DLG2: variants seen among roughly 807,000 people sequenced by gnomAD.
The protein encoded by DLG2 is discs large MAGUK scaffold protein 2.
A neutral mutation model predicts 132.5 loss-of-function variants in DLG2; 45 were observed. That is an observed-to-expected ratio of 0.34 (90% CI 0.27 to 0.44). The LOEUF (loss-of-function observed/expected upper bound fraction) is 0.44, where lower values mean the gene tolerates loss of function less well. DLG2 is among the 20% of genes least tolerant of loss of function. The pLI is 1.00. For missense variants in DLG2, 1,045 were observed against 1,196.9 expected (o/e 0.87, Z 1.87); for synonymous variants, 424 against 419.6 (o/e 1.01, Z -0.13).
chr11:83,816,315 T>C (rs2048909815), intron 17 of DLG2, among the ~76,000 whole-genome samples: 1 of 152,218 alleles, frequency 6.6e-6, no homozygotes, highest in Non-Finnish European at 1.5e-5. Context: ...TGTTGCCATA[T>C]GTCTCCATTC....
chr11:84,843,494 A>G (rs1315109814), intron 6 of DLG2, among the ~76,000 whole-genome samples: 1 of 151,914 alleles, frequency 6.6e-6, no homozygotes, highest in Non-Finnish European at 1.5e-5. Context: ...CACCTCCATC[A>G]TCATCATCAT....
At chr11:83,887,406 T>C (rs2068244024) in intron 15 of DLG2, among the ~76,000 whole-genome samples, 1 of 151,942 alleles carries the variant, frequency 6.6e-6, no homozygotes, top group East Asian at 1.9e-4. Context: ...CAGGAAGAAG[T>C]TGAATCTCTG....
chr11:83,735,098 A>C (rs11605075), intron 18 of DLG2, among the ~76,000 whole-genome samples: 54,620 of 151,722 alleles, frequency 0.36, 11,543 homozygotes, highest in African/African-American at 0.59. Flanking sequence ...AAATATAATT[A>C]TTTTTTTAAC....
At chr11:85,267,470 A>G (rs1192990557) in intron 4 of DLG2, among the ~76,000 whole-genome samples, 6 of 152,210 alleles carry the variant, frequency 3.9e-5, no homozygotes. Context: ...TTGAGGACAG[A>G]GATCTGATCT....
chr11:85,407,134 C>T (rs995895043), intron 3 of DLG2, among the ~76,000 whole-genome samples: 1 of 151,588 alleles, frequency 6.6e-6, no homozygotes, highest in African/African-American at 2.4e-5. Flanking sequence ...AGAATGAAGT[C>T]GAAAGAGTAG....
intron 6 of DLG2, among the ~76,000 whole-genome samples, chr11:84,631,956 A>C (rs2099632905): frequency 6.6e-6 from 1 of 152,162 alleles, no homozygotes; most frequent in Non-Finnish European, 1.5e-5. Flanking sequence ...TATGAGAACT[A>C]AATAAAAGGA....
At chr11:84,673,659 T>C (rs2099708364) in intron 6 of DLG2, among the ~76,000 whole-genome samples, 1 of 150,266 alleles carries the variant, frequency 6.7e-6, no homozygotes. Flanking sequence ...TAGTGAAGAC[T>C]GTGACAAAAA....
intron 6 of DLG2, among the ~76,000 whole-genome samples, chr11:84,771,350 T>C (rs2069350764): frequency 6.6e-6 from 1 of 152,134 alleles, no homozygotes; most frequent in Non-Finnish European, 1.5e-5. Context: ...TGGTTTTGAT[T>C]TGAATTTCTG....
At chr11:85,070,836 G>T (rs1357427018) in intron 6 of DLG2, among the ~76,000 whole-genome samples, 7 of 151,774 alleles carry the variant, frequency 4.6e-5, no homozygotes, top group Admixed American at 1.3e-4. Context: ...TTCAAATTTT[G>T]CTTTGTGAAA....
chr11:84,244,628 G>A (rs933610129), intron 8 of DLG2, among the ~76,000 whole-genome samples: 2 of 152,180 alleles, frequency 1.3e-5, no homozygotes, highest in African/African-American at 4.8e-5. Flanking sequence ...CTTCATAGGA[G>A]TAGTTGAGAC....
chr11:84,928,545 G>T (rs967419980), intron 6 of DLG2, among the ~76,000 whole-genome samples: 1 of 151,856 alleles, frequency 6.6e-6, no homozygotes, highest in African/African-American at 2.4e-5. Flanking sequence ...AGGTAAAAAG[G>T]TGCTATCATT....
chr11:84,318,368 G>T (rs1246280109), intron 7 of DLG2, among the ~76,000 whole-genome samples: 3 of 152,088 alleles, frequency 2.0e-5, no homozygotes, highest in Non-Finnish European at 1.5e-5. Flanking sequence ...CATTACTAAG[G>T]AAATAATTTT....
intron 7 of DLG2, chr11:84,273,111 T>C (rs903001226): frequency 2.1e-6 from 3 of 1,447,528 alleles, no homozygotes; most frequent in African/African-American, 1.5e-5. Context: ...GAAGAATAAA[T>C]AAAAGAATCC....
At chr11:84,402,765 T>G (rs2098834329) in intron 7 of DLG2, among the ~76,000 whole-genome samples, 1 of 151,238 alleles carries the variant, frequency 6.6e-6, no homozygotes, top group Admixed American at 6.6e-5. Flanking sequence ...GCCTGTAGTC[T>G]CAGCTACTCG....
intron 3 of DLG2, among the ~76,000 whole-genome samples, chr11:85,317,733 A>G (rs2080782810): frequency 6.6e-6 from 1 of 151,960 alleles, no homozygotes; most frequent in Admixed American, 6.6e-5. Flanking sequence ...CATAGAAGGG[A>G]GCAAGATACA....
At chr11:83,787,746 C>A (rs1156950242) in intron 17 of DLG2, among the ~76,000 whole-genome samples, 3 of 152,104 alleles carry the variant, frequency 2.0e-5, no homozygotes, top group Non-Finnish European at 4.4e-5. Context: ...ATTTTGGGTC[C>A]CATACTGAAA....
At chr11:85,483,287 C>G (rs1296980612) in intron 3 of DLG2, among the ~76,000 whole-genome samples, 1 of 151,996 alleles carries the variant, frequency 6.6e-6, no homozygotes, top group Non-Finnish European at 1.5e-5. Flanking sequence ...CGTTACAGGC[C>G]AAGAGAGAGT....
At chr11:84,025,738 G>T (rs146940553) in intron 11 of DLG2, among the ~76,000 whole-genome samples, 1 of 151,986 alleles carries the variant, frequency 6.6e-6, no homozygotes, top group Non-Finnish European at 1.5e-5. Flanking sequence ...TTCTGTTCAA[G>T]GTGCTACAAA....
intron 15 of DLG2, among the ~76,000 whole-genome samples, chr11:83,904,603 T>A (rs944169088): frequency 6.6e-6 from 1 of 152,178 alleles, no homozygotes; most frequent in South Asian, 2.1e-4. Context: ...GATATTTGTA[T>A]AGTATACAGC....
Sources: gnomAD v4.1 joint callset for allele counts (sites outside exome capture counted in the v4.1 genomes callset) on GRCh38, gnomAD v4.1.1 for gene constraint, MANE v1.5 for transcripts, NCBI Gene and HGNC (gene_info 2026-07-23, HGNC 2026-07-21) for gene names.